The following NCOR2 variants were observed in gnomAD, a reference collection of about 807,000 sequenced individuals.
NCOR2 encodes the protein nuclear receptor corepressor 2.
In NCOR2, 81 loss-of-function variants were observed where a neutral mutation model predicts 262.9. The observed-to-expected ratio is 0.31, with a 90% CI of 0.26 to 0.37. NCOR2 has a LOEUF of 0.37. NCOR2 is among the 10% of genes least tolerant of loss of function. The probability of loss-of-function intolerance (pLI) is 1.00; values close to 1 mark genes in which losing one functional copy is unlikely to be tolerated. For synonymous variants in NCOR2, 1,659 were observed against 1,559.3 expected (o/e 1.06, Z -1.51); for missense variants, 3,385 against 3,621.4 (o/e 0.93, Z 1.68).
chr12:124,354,870 C>T, exon 25 of NCOR2: 1 of 1,612,638 alleles, frequency 6.2e-7, no homozygotes, highest in Non-Finnish European at 8.5e-7. Context: ...AGGGGCAGCC[C>T]CATGGTGACA....
rs1406022517 is a variant in NCOR2, at chr12:124,483,588, A to C, written c.411+8T>G. On this transcript the variant is annotated splice_region_variant and intron_variant, in intron 3 of 46. Transcript: ENST00000405201. The surrounding 1 kb of genome is among the most constrained non-coding windows in gnomAD (Gnocchi z 6.3). ...GAGAGGAGCTCCCAGCTGGGGGCCCAGGCTTACCTTGGTGAGGTCTTCAGA... is the reference window on the plus strand; with the variant it reads ...GAGAGGAGCTCCCAGCTGGGGGCCCCGGCTTACCTTGGTGAGGTCTTCAGA... The C allele has an allele frequency of 1.3e-6, 2 of 1,567,560 alleles. No individual in the cohort carries two copies. Among genetic ancestry groups the C allele is most frequent in the Admixed American group, 3.8e-5 (2 of 52,900 alleles).
Position 124,333,869 on chromosome 12 carries a change from CATGTGTGCGGGTGT to C in NCOR2, c.6605+541_6605+554del, listed in dbSNP as rs1266066837. Among the ~76,000 whole-genome samples the C allele has an allele frequency of 9.5e-5, 9 of 94,444 alleles. No individual in the cohort carries two copies. In the South Asian group the frequency reaches 2.4e-3, roughly 26 times the overall value. The allele number at this position is 94,444 out of a possible 152,430, so 62.0% of individuals were successfully genotyped here. ...GTGCGGGTGTGCATGTGTGTGTGCG[CATGTGTGCGGGTGT>C]GCATGTGTGTGTGCGCGCGCATGTG... is the stretch of plus-strand genomic sequence containing the variant. On this transcript the variant is annotated intron_variant, in intron 41 of 46. Coordinates refer to ENST00000405201, the Ensembl canonical transcript of NCOR2.
rs1259856092 is a variant in NCOR2, at chr12:124,378,130, C to T, written c.2167+107G>A. On this transcript the variant is annotated intron_variant, in intron 18 of 46. Transcript: ENST00000405201. The surrounding 1 kb of genome is among the most constrained non-coding windows in gnomAD (Gnocchi z 4.2). ...GTCGAGGCCCCTTCTAAGGAGGACC[C>T]AGATGACTCAGGGGAGAGGAGGCTG... 1 of 1,519,266 alleles carries T rather than the reference C, an allele frequency of 6.6e-7. No individual in the cohort carries two copies. The highest frequency in any genetic ancestry group is 8.8e-7 in the Non-Finnish European group (1 of 1,137,016). 94.1% of individuals were successfully genotyped at this position (1,519,266 alleles called of 1,614,324 possible). A position where few individuals can be genotyped will look rare whatever the true frequency, so the allele number is the denominator to read the frequency against.
intron 13 of NCOR2, among the ~76,000 whole-genome samples, chr12:124,404,350 G>A (rs1488783303): frequency 2.0e-5 from 3 of 152,184 alleles, no homozygotes; most frequent in Non-Finnish European, 4.4e-5. Flanking sequence ...TGAATCACAC[G>A]GGCTTGGTGT....
exon 20 of NCOR2, chr12:124,372,469 G>A (rs202028951): frequency 5.2e-5 from 81 of 1,563,436 alleles, no homozygotes; most frequent in East Asian, 4.5e-5. Context: ...GATGTCCTCC[G>A]GTGGTGGGGT....
At chr12:124,401,497 G>A (rs932600765) in intron 14 of NCOR2, among the ~76,000 whole-genome samples, 2 of 152,248 alleles carry the variant, frequency 1.3e-5, no homozygotes, top group African/African-American at 4.8e-5. Context: ...CCACAGAGGA[G>A]CTATTTCCAG....
At chr12:124,405,482 T>A (rs377021598) in intron 13 of NCOR2, among the ~76,000 whole-genome samples, 2 of 152,224 alleles carry the variant, frequency 1.3e-5, no homozygotes, top group East Asian at 3.9e-4. Context: ...TCACTTCCTG[T>A]GGCCTCAACA....
rs1381708450 is a variant in NCOR2, at chr12:124,482,551, A to G, written c.411+1045T>C. ...GCCCACAGCCGAGCCCTCTACCCACATGACCAGGTGACACCCTGCCCACAA... is the reference window on the plus strand; with the variant it reads ...GCCCACAGCCGAGCCCTCTACCCACGTGACCAGGTGACACCCTGCCCACAA... On this transcript the variant is annotated intron_variant, in intron 3 of 46. Transcript: ENST00000405201. This position sits in a 1 kb window ranked among gnomAD's most constrained non-coding sequence, Gnocchi z 6.3. 6.6e-6 allele frequency among the ~76,000 whole-genome samples: 1 copy of G among 152,144 alleles called. No homozygotes were observed. Among genetic ancestry groups the G allele is most frequent in the East Asian group, 1.9e-4 (1 of 5,184 alleles).
chr12:124,386,890 C>T (rs1390688556), intron 16 of NCOR2, among the ~76,000 whole-genome samples: 1 of 152,244 alleles, frequency 6.6e-6, no homozygotes, highest in Non-Finnish European at 1.5e-5. Context: ...GTGGCCCAGC[C>T]AGTCCATGCA....
chr12:124,329,094 G>A (rs777489617), intron 44 of NCOR2: 29 of 470,318 alleles, frequency 6.2e-5, no homozygotes, highest in South Asian at 3.7e-4. Context: ...TTATAAAGGT[G>A]AAGTCTGACA....
chr12:124,545,201 G>C (rs947564090), intron 1 of NCOR2, among the ~76,000 whole-genome samples: 1 of 152,086 alleles, frequency 6.6e-6, no homozygotes, highest in Non-Finnish European at 1.5e-5. Flanking sequence ...CGGGGCCCAG[G>C]GGGAGGGAGC....
chr12:124,455,776 G>A (rs888873120), intron 6 of NCOR2, among the ~76,000 whole-genome samples: 3 of 152,254 alleles, frequency 2.0e-5, no homozygotes, highest in Admixed American at 6.5e-5. Flanking sequence ...TCCCAGATGA[G>A]AGAGCACTGT....
chr12:124,461,504 A>G (rs746419267), intron 5 of NCOR2, among the ~76,000 whole-genome samples: 7 of 152,258 alleles, frequency 4.6e-5, no homozygotes, highest in Non-Finnish European at 1.0e-4. Context: ...GCTGGGGCAC[A>G]CAAGTCCTTA....
At chr12:124,567,067 T>G (rs1307041074) in intron 1 of NCOR2, among the ~76,000 whole-genome samples, 1 of 124,500 alleles carries the variant, frequency 8.0e-6, no homozygotes, top group African/African-American at 3.0e-5. Context: ...ACTTCCCTCC[T>G]TCCCGCCCCC....
At chr12:124,479,278 A>G (rs1466812183) in intron 3 of NCOR2, among the ~76,000 whole-genome samples, 1 of 151,886 alleles carries the variant, frequency 6.6e-6, no homozygotes, top group Non-Finnish European at 1.5e-5. Context: ...GCACACATGC[A>G]TATACACACA....
At chr12:124,496,096 G>A (rs115168314), upstream of NCOR2, among the ~76,000 whole-genome samples, 478 of 152,140 alleles carry the variant, frequency 3.1e-3, 2 homozygotes, top group African/African-American at 0.011. This position sits in a 1 kb window ranked among gnomAD's most constrained non-coding sequence, Gnocchi z 4.4. Flanking sequence ...TCGTGGCCAC[G>A]CCAGAGGAAT....
At chr12:124,410,181 C>T (rs1358484332) in intron 13 of NCOR2, among the ~76,000 whole-genome samples, 1 of 148,598 alleles carries the variant, frequency 6.7e-6, no homozygotes, top group Non-Finnish European at 1.5e-5. Context: ...TTGAGATGTC[C>T]CCCAGGCCCC....
upstream of NCOR2, among the ~76,000 whole-genome samples, chr12:124,497,861 C>T (rs1469882075): frequency 6.6e-6 from 1 of 152,190 alleles, no homozygotes. This position sits in a 1 kb window ranked among gnomAD's most constrained non-coding sequence, Gnocchi z 4.2. Flanking sequence ...TAGCCCTGCC[C>T]GGCCCCAAGA....
exon 8 of NCOR2, chr12:124,437,985 A>G (rs753005802): frequency 6.2e-7 from 1 of 1,611,140 alleles, no homozygotes; most frequent in South Asian, 1.1e-5. Context: ...CTTCTTCCGC[A>G]TCGCCTGGTT....
Sources: gnomAD v4.1 joint callset for allele counts (sites outside exome capture counted in the v4.1 genomes callset) on GRCh38, gnomAD v4.1.1 for gene constraint, Gnocchi (gnomAD v3.1) non-coding constraint, MANE v1.5 for transcripts, NCBI Gene and HGNC (gene_info 2026-07-23, HGNC 2026-07-21) for gene names.